ROR2: variants seen among roughly 807,000 people sequenced by gnomAD.
ROR2 encodes the protein tyrosine-protein kinase transmembrane receptor ROR2.
In ROR2, 33 loss-of-function variants were observed where a neutral mutation model predicts 74.9. The ratio of observed to expected loss-of-function variants is 0.44; its 90% confidence interval spans 0.33 to 0.59. The LOEUF is 0.59. Ranked by LOEUF, ROR2 falls within the 20% of genes least tolerant of loss-of-function variation. The pLI is 0.02. For missense variants in ROR2, 1,216 were observed against 1,313.8 expected, an observed-to-expected ratio of 0.93 and a Z score of 1.15; for synonymous variants, 586 against 558.7, an observed-to-expected ratio of 1.05 and a Z score of -0.69.
At position 91,905,393 on chromosome 9, in the gene ROR2, C is replaced by T. The variant is rs925203405; in HGVS notation, c.97+44474G>A. On this transcript the variant is annotated intron_variant, in intron 1 of 8. Transcript: ENST00000375708. This position sits in a 1 kb window ranked among gnomAD's most constrained non-coding sequence, Gnocchi z 5.3. ...AGACACACAACACATACCACACACACAGAGAGACAAAAACTATACAAATGT... is the reference window on the plus strand; with the variant it reads ...AGACACACAACACATACCACACACATAGAGAGACAAAAACTATACAAATGT... Among the ~76,000 whole-genome samples, 4 of 150,874 alleles carry T rather than the reference C, an allele frequency of 2.7e-5. No individual in the cohort carries two copies. Among genetic ancestry groups the T allele is most frequent in the African/African-American group, 9.7e-5 (4 of 41,236 alleles).
At chr9:91,791,507 G>A (rs1168112111) in intron 1 of ROR2, among the ~76,000 whole-genome samples, 1 of 152,102 alleles carries the variant, frequency 6.6e-6, no homozygotes, top group Non-Finnish European at 1.5e-5. Context: ...AACAAAGAAG[G>A]ACATTTTATA....
At position 91,724,383 on chromosome 9, in the gene ROR2, A is replaced by G; in HGVS notation, c.2111T>C (p.Met704Thr). The change falls in exon 9 of 9, where the codon ATG becomes ACG. Residue 704 changes from methionine (M) to threonine (T), a missense_variant. Coordinates refer to ENST00000375708, the MANE Select transcript of ROR2 (RefSeq NM_004560.4). Reference sequence around the variant, plus strand: ...AGGCAGCACCTGCCGGTTCCGGATCATCTCCACCACATCCTGGTTGGAGTA... The same window carrying G: ...AGGCAGCACCTGCCGGTTCCGGATCGTCTCCACCACATCCTGGTTGGAGTA... ...CGYSNQDVVE[M>T]IRNRQVLPCP... 6.2e-7 allele frequency: 1 copy of G among 1,614,106 alleles called. No individual in the cohort carries two copies. The highest frequency in any genetic ancestry group is 8.5e-7 in the Non-Finnish European group (1 of 1,180,026).
intron 1 of ROR2, among the ~76,000 whole-genome samples, chr9:91,862,110 TC>T (rs2119303243): frequency 6.6e-6 from 1 of 151,742 alleles, no homozygotes; most frequent in South Asian, 2.1e-4. Context: ...GATCACGAGG[TC>T]AGGAGATCAA....
intron 1 of ROR2, among the ~76,000 whole-genome samples, chr9:91,885,325 G>A (rs114054482): frequency 0.024 from 3,644 of 152,142 alleles, 142 homozygotes; most frequent in African/African-American, 0.084. Flanking sequence ...GGGCGGTAGG[G>A]CAGGGTGTGG....
chr9:91,940,150 C>A (rs565864641), intron 1 of ROR2, among the ~76,000 whole-genome samples: 1 of 152,326 alleles, frequency 6.6e-6, no homozygotes, highest in East Asian at 1.9e-4. Flanking sequence ...CCCCGCTGTG[C>A]GCAAATCAAG....
chr9:91,857,598 G>A (rs1829335113), intron 1 of ROR2, among the ~76,000 whole-genome samples: 1 of 152,190 alleles, frequency 6.6e-6, no homozygotes, highest in Non-Finnish European at 1.5e-5. Flanking sequence ...CGTCAGGAGT[G>A]AGATGTTACA....
chr9:91,846,289 G>A lies in ROR2; in HGVS notation c.98-70471C>T, dbSNP rs1018979975. ...TGTTTGGAGTCGGGGCCTGTAGGGA[G>A]GCAGTCAAGGTTAAAAGGGACAAAA... On this transcript the variant is annotated intron_variant, in intron 1 of 8. Transcript: ENST00000375708. Among the ~76,000 whole-genome samples the A allele has an allele frequency of 2.6e-5, 4 of 152,212 alleles. No individual in the cohort carries two copies. In the South Asian group the frequency reaches 8.3e-4, roughly 32 times the overall value.
intron 4 of ROR2, 44 bp downstream of exon 4, chr9:91,756,027 C>T: frequency 6.2e-7 from 1 of 1,603,372 alleles, no homozygotes; most frequent in Non-Finnish European, 8.5e-7. Context: ...ATAACAAAAA[C>T]CCTCAGAGCA....
intron 1 of ROR2, among the ~76,000 whole-genome samples, chr9:91,829,506 C>T (rs113314598): frequency 0.021 from 3,002 of 143,592 alleles, 114 homozygotes; most frequent in African/African-American, 0.074. Flanking sequence ...GCCAAAATCA[C>T]GCCATTGCAC....
chr9:91,795,793 T>G (rs1827148423), intron 1 of ROR2, among the ~76,000 whole-genome samples: 1 of 152,212 alleles, frequency 6.6e-6, no homozygotes, highest in African/African-American at 2.4e-5. Context: ...AGCTTGGTAT[T>G]TTAAAGCACT....
rs1830803670 is a variant in ROR2, at chr9:91,905,948, T to C, written c.97+43919A>G. 6.6e-6 allele frequency among the ~76,000 whole-genome samples: 1 copy of C among 151,702 alleles called. No individual in the cohort carries two copies. Among genetic ancestry groups the C allele is most frequent in the Non-Finnish European group, 1.5e-5 (1 of 67,942 alleles). On this transcript the variant is annotated intron_variant, in intron 1 of 8. Coordinates refer to ENST00000375708, the MANE Select transcript of ROR2 (RefSeq NM_004560.4). The surrounding 1 kb of genome is among the most constrained non-coding windows in gnomAD (Gnocchi z 5.3). ...ACATTTATGTGCAACCCTGAATTGGTGGTTTTAAGAAACTATTATTAATGA... is the reference window on the plus strand; with the variant it reads ...ACATTTATGTGCAACCCTGAATTGGCGGTTTTAAGAAACTATTATTAATGA...
intron 2 of ROR2, among the ~76,000 whole-genome samples, chr9:91,759,125 C>T (rs965587353): frequency 1.3e-5 from 2 of 152,134 alleles, no homozygotes; most frequent in Non-Finnish European, 2.9e-5. Context: ...CAGATTTAAT[C>T]GGAAAATTAT....
chr9:91,889,410 G>T (rs1830369422), intron 1 of ROR2, among the ~76,000 whole-genome samples: 1 of 152,194 alleles, frequency 6.6e-6, no homozygotes, highest in Admixed American at 6.5e-5. Context: ...GACAGAGAAG[G>T]TATGTCCACA....
At chr9:91,871,181 C>T (rs1829783914) in intron 1 of ROR2, among the ~76,000 whole-genome samples, 1 of 152,254 alleles carries the variant, frequency 6.6e-6, no homozygotes, top group African/African-American at 2.4e-5. Context: ...CCTCTGCTGT[C>T]TCTCCTCTGA....
chr9:91,745,686 A>G (rs1158179782), intron 4 of ROR2, among the ~76,000 whole-genome samples: 1 of 152,006 alleles, frequency 6.6e-6, no homozygotes, highest in African/African-American at 2.4e-5. Context: ...TCGGCCTCCC[A>G]AAGTGTTGGG....
At chr9:91,870,896 C>T (rs1365415413) in intron 1 of ROR2, among the ~76,000 whole-genome samples, 1 of 152,210 alleles carries the variant, frequency 6.6e-6, no homozygotes. Flanking sequence ...AACACATGAT[C>T]TTCCTTTAGT....
intron 1 of ROR2, among the ~76,000 whole-genome samples, chr9:91,876,518 A>G (rs1372074526): frequency 1.3e-5 from 2 of 152,190 alleles, no homozygotes; most frequent in Non-Finnish European, 2.9e-5. Flanking sequence ...ATTGTGAGCT[A>G]TTGCTTGAAC....
chr9:91,791,612 A>G (rs1027176786), intron 1 of ROR2, among the ~76,000 whole-genome samples: 1 of 152,234 alleles, frequency 6.6e-6, no homozygotes, highest in Non-Finnish European at 1.5e-5. Context: ...ACAGAAATAA[A>G]AGGAGACATA....
chr9:91,873,512 C>T (rs1238527010), intron 1 of ROR2, among the ~76,000 whole-genome samples: 1 of 152,112 alleles, frequency 6.6e-6, no homozygotes, highest in Admixed American at 6.5e-5. Context: ...TGCTTGAACC[C>T]GGGAGGCGGA....
Sources: allele counts gnomAD v4.1 joint callset (sites outside exome capture counted in the v4.1 genomes callset), GRCh38; gene constraint gnomAD v4.1.1; non-coding constraint Gnocchi (gnomAD v3.1); transcripts MANE v1.5; gene names NCBI Gene and HGNC (gene_info 2026-07-23, HGNC 2026-07-21).